The following ERBB4 variants were observed in gnomAD, a reference collection of about 807,000 sequenced individuals.
ERBB4 encodes erb-b2 receptor tyrosine kinase 4, also known as receptor tyrosine-protein kinase erbB-4.
In ERBB4, 42 loss-of-function variants were observed where a neutral mutation model predicts 158.0. The observed-to-expected ratio is 0.27, with a 90% CI of 0.21 to 0.34. The LOEUF is 0.34. Among genes scored for constraint, ERBB4 ranks in the 10% least tolerant of loss-of-function variants. The pLI is 1.00. For missense variants in ERBB4, 1,333 were observed against 1,624.1 expected (o/e 0.82, Z 3.08); for synonymous variants, 583 against 558.7 (o/e 1.04, Z -0.61).
chr2:212,290,512 C>G (rs965919493), intron 1 of ERBB4, among the ~76,000 whole-genome samples: 1 of 152,016 alleles, frequency 6.6e-6, no homozygotes, highest in Non-Finnish European at 1.5e-5. Flanking sequence ...ATTCTGTGCC[C>G]TAGGGAAGGG....
chr2:212,326,108 A>T (rs535218805), intron 1 of ERBB4, among the ~76,000 whole-genome samples: 2 of 150,710 alleles, frequency 1.3e-5, no homozygotes, highest in African/African-American at 4.8e-5. Flanking sequence ...CCAAATTGGG[A>T]TGCTTTTAAA....
At chr2:211,680,228 A>G (rs2072278448) in intron 12 of ERBB4, among the ~76,000 whole-genome samples, 1 of 152,178 alleles carries the variant, frequency 6.6e-6, no homozygotes, top group African/African-American at 2.4e-5. Context: ...AAGGCTAACC[A>G]TCTTTGTTTC....
chr2:212,160,625 C>T (rs1466223772), intron 1 of ERBB4, among the ~76,000 whole-genome samples: 2 of 151,904 alleles, frequency 1.3e-5, no homozygotes, highest in African/African-American at 4.8e-5. Flanking sequence ...CTATATGTTC[C>T]TCTTAGAAGA....
intron 1 of ERBB4, among the ~76,000 whole-genome samples, chr2:212,233,957 GC>G (rs1431123983): frequency 2.3e-5 from 3 of 133,184 alleles, no homozygotes; most frequent in Non-Finnish European, 3.1e-5. Flanking sequence ...ATGTCTCTTT[GC>G]ATTATTTATT....
At chr2:211,975,862 C>A (rs929095088) in intron 2 of ERBB4, among the ~76,000 whole-genome samples, 5 of 152,016 alleles carry the variant, frequency 3.3e-5, no homozygotes, top group Non-Finnish European at 7.4e-5. Context: ...TATTTTCAAC[C>A]AAAACATTCC....
At chr2:211,950,237 C>T (rs913304509) in intron 2 of ERBB4, among the ~76,000 whole-genome samples, 1 of 152,244 alleles carries the variant, frequency 6.6e-6, no homozygotes, top group South Asian at 2.1e-4. Flanking sequence ...AATGTGCATA[C>T]ATTTAGGAAG....
chr2:211,639,157 T>C (rs916978633), intron 16 of ERBB4, among the ~76,000 whole-genome samples: 16 of 152,146 alleles, frequency 1.1e-4, no homozygotes, highest in Non-Finnish European at 2.2e-4. Flanking sequence ...CTATATACCA[T>C]ACTAATACAG....
At chr2:211,671,727 T>C (rs1319293535) in intron 14 of ERBB4, among the ~76,000 whole-genome samples, 1 of 152,148 alleles carries the variant, frequency 6.6e-6, no homozygotes. Context: ...CATTCCATGA[T>C]TAATAGTCAA....
At chr2:211,969,699 TA>T (rs910335722) in intron 2 of ERBB4, among the ~76,000 whole-genome samples, 1 of 151,956 alleles carries the variant, frequency 6.6e-6, no homozygotes, top group Non-Finnish European at 1.5e-5. Flanking sequence ...ATTTGCATTT[TA>T]AAAAACCATA....
At chr2:212,517,766 G>T (rs1168620556) in intron 1 of ERBB4, among the ~76,000 whole-genome samples, 1 of 152,038 alleles carries the variant, frequency 6.6e-6, no homozygotes, top group Non-Finnish European at 1.5e-5. Flanking sequence ...AATGAAAAAA[G>T]TTATATAGCA....
intron 19 of ERBB4, among the ~76,000 whole-genome samples, chr2:211,589,040 C>A (rs977888332): frequency 1.3e-5 from 2 of 152,054 alleles, no homozygotes; most frequent in African/African-American, 4.8e-5. Context: ...GTGTTCAAAT[C>A]CTGAAAATCT....
intron 1 of ERBB4, among the ~76,000 whole-genome samples, chr2:212,476,636 C>T (rs1689419601): frequency 6.6e-6 from 1 of 152,088 alleles, no homozygotes; most frequent in Admixed American, 6.6e-5. Flanking sequence ...CGCTATTGAG[C>T]AGATGAGAAT....
At chr2:211,556,499 A>C (rs1441144115) in intron 20 of ERBB4, among the ~76,000 whole-genome samples, 1 of 152,182 alleles carries the variant, frequency 6.6e-6, no homozygotes, top group Non-Finnish European at 1.5e-5. Context: ...TTCTTTTTTT[A>C]AGAAAAATAA....
At position 211,935,344 on chromosome 2, in the gene ERBB4, GT is replaced by G. The variant is rs375712015; in HGVS notation, c.421+12085del. ...AGATGAGTTTGTGAGTCTGAGTAGA[GT>G]TAAGTAGGTAAGATATGCTCTCAAT... On this transcript the variant is annotated intron_variant, in intron 3 of 27. Transcript: ENST00000342788. Among the ~76,000 whole-genome samples the G allele has an allele frequency of 2.0e-3, 306 of 152,274 alleles. 4 individuals are homozygous for G. The South Asian group carries it at 0.025, about 12-fold the overall frequency.
intron 5 of ERBB4, among the ~76,000 whole-genome samples, chr2:211,747,899 C>T (rs2075020393): frequency 1.3e-5 from 2 of 151,788 alleles, no homozygotes; most frequent in Non-Finnish European, 1.5e-5. Flanking sequence ...ATACCAAACT[C>T]CATAGATGTT....
intron 16 of ERBB4, among the ~76,000 whole-genome samples, chr2:211,638,117 T>C (rs879794255): frequency 4.6e-5 from 7 of 152,158 alleles, no homozygotes; most frequent in Non-Finnish European, 8.8e-5. Flanking sequence ...CTTCTTCTTT[T>C]AGCTTCATTT....
chr2:211,437,360 T>C (rs2063876727), intron 20 of ERBB4, among the ~76,000 whole-genome samples: 1 of 152,214 alleles, frequency 6.6e-6, no homozygotes, highest in South Asian at 2.1e-4. Context: ...TGTATTAGAA[T>C]TGAATTTAAC....
chr2:211,650,727 A>C (rs1405554133), intron 16 of ERBB4, among the ~76,000 whole-genome samples: 1 of 152,218 alleles, frequency 6.6e-6, no homozygotes, highest in South Asian at 2.1e-4. Flanking sequence ...AGTGATTGAA[A>C]GTATTCTAGC....
chr2:211,404,225 C>T (rs969403405), intron 25 of ERBB4, among the ~76,000 whole-genome samples: 6 of 152,022 alleles, frequency 3.9e-5, no homozygotes, highest in African/African-American at 9.7e-5. Flanking sequence ...CCCTTGCTGC[C>T]GGTTCCATCA....
Sources: gnomAD v4.1 joint callset for allele counts (sites outside exome capture counted in the v4.1 genomes callset) on GRCh38, gnomAD v4.1.1 for gene constraint, MANE v1.5 for transcripts, NCBI Gene and HGNC (gene_info 2026-07-23, HGNC 2026-07-21) for gene names.